The following NKAIN2 variants were observed in gnomAD, a reference collection of about 807,000 sequenced individuals.
The protein encoded by NKAIN2 is sodium/potassium transporting ATPase interacting 2, also known as sodium/potassium-transporting ATPase subunit beta-1-interacting protein 2.
NKAIN2 carries 14 observed loss-of-function variants against 32.6 expected under a neutral mutation model. The observed-to-expected ratio is 0.43, with a 90% CI of 0.28 to 0.67. NKAIN2 has a LOEUF of 0.67. Ranked by LOEUF, NKAIN2 falls within the 30% of genes least tolerant of loss-of-function variation. NKAIN2 has a pLI of 0.17. For missense variants in NKAIN2, 198 were observed against 258.3 expected (o/e 0.77, Z 1.60); for synonymous variants, 80 against 87.2 (o/e 0.92, Z 0.46).
chr6:124,392,794 G>T (rs1773200980), intron 3 of NKAIN2, among the ~76,000 whole-genome samples: 2 of 152,132 alleles, frequency 1.3e-5, no homozygotes, highest in Non-Finnish European at 2.9e-5. Flanking sequence ...AAATAATTCA[G>T]TGAAAGGCTG....
intron 3 of NKAIN2, among the ~76,000 whole-genome samples, chr6:124,588,426 G>A (rs1165265637): frequency 4.6e-5 from 7 of 151,934 alleles, no homozygotes; most frequent in Non-Finnish European, 7.4e-5. Flanking sequence ...TGAGGCCTGC[G>A]TTAACATGTT....
At chr6:124,575,969 C>CT (rs1421298550) in intron 3 of NKAIN2, among the ~76,000 whole-genome samples, 2 of 152,124 alleles carry the variant, frequency 1.3e-5, no homozygotes, top group Non-Finnish European at 2.9e-5. Context: ...GTGTTGACAC[C>CT]TTAACACAAA....
intron 1 of NKAIN2, among the ~76,000 whole-genome samples, chr6:123,956,347 G>A (rs1311178471): frequency 6.6e-6 from 1 of 152,168 alleles, no homozygotes; most frequent in Non-Finnish European, 1.5e-5. Context: ...CCTTAAAAAT[G>A]TAATTAAGAT....
intron 1 of NKAIN2, among the ~76,000 whole-genome samples, chr6:124,009,647 C>G (rs760042265): frequency 7.9e-5 from 12 of 152,144 alleles, no homozygotes; most frequent in Non-Finnish European, 1.3e-4. Flanking sequence ...AAACAGAAAT[C>G]AGTTTCTGGG....
At chr6:124,039,566 T>C (rs1781770548) in intron 1 of NKAIN2, among the ~76,000 whole-genome samples, 1 of 151,952 alleles carries the variant, frequency 6.6e-6, no homozygotes, top group African/African-American at 2.4e-5. Context: ...TTATATTCAA[T>C]CGTTTACTTA....
chr6:124,460,447 C>T (rs746948452), intron 3 of NKAIN2, among the ~76,000 whole-genome samples: 2 of 151,418 alleles, frequency 1.3e-5, no homozygotes, highest in Non-Finnish European at 3.0e-5. Flanking sequence ...ATATCTTTGT[C>T]TTTGAAAATG....
chr6:124,741,351 A>G (rs1777200584), intron 4 of NKAIN2, among the ~76,000 whole-genome samples: 1 of 151,866 alleles, frequency 6.6e-6, no homozygotes, highest in African/African-American at 2.4e-5. Context: ...TTAAAAGAAA[A>G]TGATTCTATG....
intron 3 of NKAIN2, among the ~76,000 whole-genome samples, chr6:124,558,805 C>T (rs1249723550): frequency 2.6e-5 from 4 of 152,172 alleles, no homozygotes; most frequent in East Asian, 1.9e-4. Flanking sequence ...AAAAATTAGC[C>T]GGGCATGGTG....
chr6:124,352,039 C>T (rs75712269), intron 2 of NKAIN2, among the ~76,000 whole-genome samples: 8,669 of 152,192 alleles, frequency 0.057, 360 homozygotes, highest in Middle Eastern at 0.085. Flanking sequence ...TCATTCCATT[C>T]CCATACAAGC....
intron 4 of NKAIN2, among the ~76,000 whole-genome samples, chr6:124,740,128 T>C (rs2114686066): frequency 6.6e-6 from 1 of 151,558 alleles, no homozygotes; most frequent in African/African-American, 2.4e-5. Context: ...TGGTTGCCCC[T>C]GTTTTTTTTT....
chr6:124,419,176 T>C (rs1774635660), intron 3 of NKAIN2, among the ~76,000 whole-genome samples: 1 of 152,168 alleles, frequency 6.6e-6, no homozygotes, highest in Non-Finnish European at 1.5e-5. Flanking sequence ...CTTCATCTTT[T>C]CTTTTTGAAT....
chr6:124,406,095 A>T (rs1773848223), intron 3 of NKAIN2, among the ~76,000 whole-genome samples: 1 of 151,742 alleles, frequency 6.6e-6, no homozygotes, highest in African/African-American at 2.4e-5. Context: ...CATACAATAA[A>T]CTGTACATAA....
chr6:124,320,604 ATTTG>A (rs1797137044), intron 2 of NKAIN2, among the ~76,000 whole-genome samples: 1 of 152,124 alleles, frequency 6.6e-6, no homozygotes, highest in Admixed American at 6.5e-5. Context: ...ACTGCCTATT[ATTTG>A]TTTATCAGTA....
intron 1 of NKAIN2, among the ~76,000 whole-genome samples, chr6:124,168,103 G>C (rs888313855): frequency 6.6e-6 from 1 of 152,094 alleles, no homozygotes. Flanking sequence ...AATCAAATTA[G>C]TATCTGTCCT....
intron 4 of NKAIN2, among the ~76,000 whole-genome samples, chr6:124,729,713 A>G (rs1194184917): frequency 6.6e-6 from 1 of 150,658 alleles, no homozygotes; most frequent in Admixed American, 6.6e-5. Flanking sequence ...GGCCAGGGCA[A>G]TTAGGCAGGA....
intron 4 of NKAIN2, among the ~76,000 whole-genome samples, chr6:124,721,109 G>C (rs1331548495): frequency 6.6e-6 from 1 of 152,148 alleles, no homozygotes; most frequent in Non-Finnish European, 1.5e-5. Context: ...CCATGATACT[G>C]ACATGGCTTA....
chr6:124,227,077 C>A (rs1172310700), intron 1 of NKAIN2, among the ~76,000 whole-genome samples: 1 of 133,036 alleles, frequency 7.5e-6, no homozygotes, highest in Admixed American at 8.1e-5. Flanking sequence ...TATTGCTACT[C>A]TCTTGGAGGC....
intron 4 of NKAIN2, among the ~76,000 whole-genome samples, chr6:124,775,321 T>C (rs1181411708): frequency 6.6e-5 from 10 of 152,200 alleles, no homozygotes; most frequent in Non-Finnish European, 1.3e-4. Flanking sequence ...TGAACCTTCT[T>C]TTGCAGCTTT....
At chr6:123,916,313 T>G (rs1775491569) in intron 1 of NKAIN2, among the ~76,000 whole-genome samples, 1 of 152,106 alleles carries the variant, frequency 6.6e-6, no homozygotes, top group Non-Finnish European at 1.5e-5. Flanking sequence ...AGTGCAGTGG[T>G]GCAATCTCGG....
Sources: gnomAD v4.1 joint callset for allele counts (sites outside exome capture counted in the v4.1 genomes callset) on GRCh38, gnomAD v4.1.1 for gene constraint, MANE v1.5 for transcripts, NCBI Gene and HGNC (gene_info 2026-07-23, HGNC 2026-07-21) for gene names.